The following PLEKHM3 variants were observed in gnomAD, a reference collection of about 807,000 sequenced individuals.
PLEKHM3 encodes pleckstrin homology domain containing M3, also known as pleckstrin homology domain-containing family M member 3.
PLEKHM3 carries 45 observed loss-of-function variants against 81.8 expected under a neutral mutation model. The observed-to-expected ratio is 0.55, with a 90% CI of 0.43 to 0.71. The LOEUF is 0.71. Among genes scored for constraint, PLEKHM3 ranks in the 30% least tolerant of loss-of-function variants. The pLI, the probability that PLEKHM3 is intolerant of heterozygous loss-of-function variation, is 0.00. For synonymous variants in PLEKHM3, 352 were observed against 356.4 expected (o/e 0.99, Z 0.14); for missense variants, 788 against 924.3 (o/e 0.85, Z 1.91).
At chr2:207,964,397 C>T (rs1690844277) in intron 3 of PLEKHM3, among the ~76,000 whole-genome samples, 1 of 152,172 alleles carries the variant, frequency 6.6e-6, no homozygotes, top group African/African-American at 2.4e-5. Context: ...TCAAATCACA[C>T]TTTGAGAGAT....
chr2:207,950,375 T>C (rs1690289467), intron 3 of PLEKHM3, among the ~76,000 whole-genome samples: 3 of 152,202 alleles, frequency 2.0e-5, no homozygotes, highest in African/African-American at 7.2e-5. Context: ...ACCATCAAAT[T>C]ATCTAGGCCT....
intron 1 of PLEKHM3, among the ~76,000 whole-genome samples, chr2:208,023,949 C>T (rs1378747601): frequency 6.6e-6 from 1 of 151,946 alleles, no homozygotes; most frequent in African/African-American, 2.4e-5. Context: ...TCAAGACCAG[C>T]CTGGGCAACA....
chr2:207,941,947 C>T (rs550198078), intron 4 of PLEKHM3, among the ~76,000 whole-genome samples: 17 of 152,190 alleles, frequency 1.1e-4, no homozygotes, highest in African/African-American at 4.1e-4. Flanking sequence ...ATGGCTATTA[C>T]TCAAAAGACA....
intron 3 of PLEKHM3, among the ~76,000 whole-genome samples, chr2:207,964,852 T>C (rs1392118659): frequency 3.3e-5 from 5 of 152,250 alleles, no homozygotes; most frequent in Non-Finnish European, 7.3e-5. Flanking sequence ...TTTATCCTAC[T>C]GCAAAATTAA....
chr2:207,859,198 C>T lies in PLEKHM3; in HGVS notation c.2108+1907G>A, dbSNP rs148104205. Reference sequence around the variant, plus strand: ...TGTTGCCCAGGCTGGAGGGCAATGGCGCAATCTCTGGCTCACCGCAACCTC... The same window carrying T: ...TGTTGCCCAGGCTGGAGGGCAATGGTGCAATCTCTGGCTCACCGCAACCTC... On this transcript the variant is annotated intron_variant, in intron 7 of 7. Coordinates refer to ENST00000427836, the MANE Select transcript of PLEKHM3 (RefSeq NM_001080475.3). Among the ~76,000 whole-genome samples the T allele has an allele frequency of 6.7e-3, 912 of 135,368 alleles. 11 individuals are homozygous for T. Among genetic ancestry groups the T allele is most frequent in the African/African-American group, 0.024 (866 of 36,342 alleles). The allele number at this position is 135,368 out of a possible 152,430, so 88.8% of individuals were successfully genotyped here. A position where few individuals can be genotyped will look rare whatever the true frequency, so the allele number is the denominator to read the frequency against.
At chr2:207,950,909 G>A (rs886957518) in intron 3 of PLEKHM3, among the ~76,000 whole-genome samples, 2 of 152,248 alleles carry the variant, frequency 1.3e-5, no homozygotes, top group East Asian at 3.9e-4. Flanking sequence ...GAATGAAAAC[G>A]TTTAACCCCC....
At chr2:208,008,501 CAAAAAAAAAAAAA>C (rs59305459) in intron 1 of PLEKHM3, among the ~76,000 whole-genome samples, 1 of 83,748 alleles carries the variant, frequency 1.2e-5, no homozygotes, top group South Asian at 4.3e-4. Context: ...CTAACCTTGC[CAAAAAAAAAAAAA>C]AAAAAAAAAA....
intron 2 of PLEKHM3, among the ~76,000 whole-genome samples, chr2:207,981,290 A>C (rs1229321022): frequency 1.3e-5 from 2 of 152,108 alleles, no homozygotes; most frequent in Non-Finnish European, 2.9e-5. Context: ...TCTGATCATA[A>C]AGGGCTAGAG....
chr2:207,831,552 G>A (rs6709647), intron 7 of PLEKHM3, among the ~76,000 whole-genome samples: 1 of 152,200 alleles, frequency 6.6e-6, no homozygotes, highest in Admixed American at 6.5e-5. Flanking sequence ...TGCTGCTCAC[G>A]GTGAACCCCT....
At chr2:207,877,072 T>C (rs549513475) in intron 6 of PLEKHM3, among the ~76,000 whole-genome samples, 32 of 152,322 alleles carry the variant, frequency 2.1e-4, no homozygotes, top group Non-Finnish European at 4.0e-4. Flanking sequence ...CTGACCGACC[T>C]GCCTTAGACT....
intron 2 of PLEKHM3, among the ~76,000 whole-genome samples, chr2:207,983,582 A>G (rs1400939724): frequency 3.5e-5 from 3 of 86,910 alleles, no homozygotes; most frequent in Non-Finnish European, 7.9e-5. Context: ...CAAATTCCCC[A>G]TGAAAAAGAA....
intron 7 of PLEKHM3, among the ~76,000 whole-genome samples, chr2:207,840,805 T>TTTTTTTTTTTTTTTTTTTTTTTA (rs1559202758): frequency 7.5e-6 from 1 of 132,764 alleles, no homozygotes; most frequent in Non-Finnish European, 1.6e-5. Context: ...TTATGTTTTT[T>TTTTTTTTTTTTTTTTTTTTTTTA]TTTTTTTTTT....
chr2:207,874,255 C>G (rs552490073), intron 6 of PLEKHM3, among the ~76,000 whole-genome samples: 1 of 152,212 alleles, frequency 6.6e-6, no homozygotes, highest in East Asian at 1.9e-4. Context: ...AGCAAATAAG[C>G]TGGATCCCTA....
At chr2:207,856,809 G>A (rs756211687) in intron 7 of PLEKHM3, among the ~76,000 whole-genome samples, 1 of 152,102 alleles carries the variant, frequency 6.6e-6, no homozygotes, top group Non-Finnish European at 1.5e-5. Flanking sequence ...ATCAACTTGT[G>A]TTATTTCAAG....
At chr2:207,902,717 A>G (rs1373955186) in intron 6 of PLEKHM3, among the ~76,000 whole-genome samples, 2 of 152,042 alleles carry the variant, frequency 1.3e-5, no homozygotes, top group Non-Finnish European at 2.9e-5. Context: ...TTTAGCGGCT[A>G]ATGTTAATCA....
chr2:207,973,225 T>A (rs1358060560), intron 3 of PLEKHM3, among the ~76,000 whole-genome samples: 3 of 152,192 alleles, frequency 2.0e-5, no homozygotes, highest in African/African-American at 7.2e-5. Flanking sequence ...AAGACATAGG[T>A]ACAAAAGGAA....
intron 3 of PLEKHM3, among the ~76,000 whole-genome samples, chr2:207,964,088 T>C (rs1379599608): frequency 2.6e-5 from 4 of 152,138 alleles, no homozygotes; most frequent in Non-Finnish European, 5.9e-5. Context: ...GGCACATGCC[T>C]GTAGTCCCAG....
At chr2:207,930,214 T>C (rs936145894) in intron 5 of PLEKHM3, among the ~76,000 whole-genome samples, 3 of 152,216 alleles carry the variant, frequency 2.0e-5, no homozygotes, top group Non-Finnish European at 2.9e-5. Flanking sequence ...GGCAGAATCC[T>C]GGGCCTGTGC....
intron 3 of PLEKHM3, among the ~76,000 whole-genome samples, chr2:207,973,192 T>A (rs2106022460): frequency 6.6e-6 from 1 of 152,348 alleles, no homozygotes; most frequent in Non-Finnish European, 1.5e-5. Context: ...TGAAGGTGTG[T>A]TTTTATGAGG....
Sources: allele counts gnomAD v4.1 joint callset (sites outside exome capture counted in the v4.1 genomes callset), GRCh38; gene constraint gnomAD v4.1.1; transcripts MANE v1.5; gene names NCBI Gene and HGNC (gene_info 2026-07-23, HGNC 2026-07-21).